DOP1B: variants seen among roughly 807,000 people sequenced by gnomAD.
DOP1B encodes DOP1 leucine zipper like protein B, also known as protein DOP1B.
A neutral mutation model predicts 233.5 loss-of-function variants in DOP1B; 174 were observed. The observed-to-expected ratio is 0.75, with a 90% CI of 0.66 to 0.85. The LOEUF (loss-of-function observed/expected upper bound fraction) is 0.85, where lower values mean the gene tolerates loss of function less well. Ranked by LOEUF, DOP1B falls within the 40% of genes least tolerant of loss-of-function variation. The pLI, the probability that DOP1B is intolerant of heterozygous loss-of-function variation, is 0.00. For missense variants in DOP1B, 2,652 were observed against 2,846.6 expected (o/e 0.93, Z 1.56); for synonymous variants, 1,190 against 1,185.6 (o/e 1.00, Z -0.08).
chr21:36,214,597 G>C (rs2066539510), intron 9 of DOP1B, 41 bp downstream of exon 9: 2 of 1,533,532 alleles, frequency 1.3e-6, no homozygotes, highest in South Asian at 1.2e-5. Context: ...GCTGAATACA[G>C]ATTACCTGTT....
intron 26 of DOP1B, among the ~76,000 whole-genome samples, chr21:36,268,814 C>T (rs1471069561): frequency 1.3e-5 from 2 of 152,310 alleles, no homozygotes; most frequent in African/African-American, 2.4e-5. Flanking sequence ...GGATTACAGG[C>T]GTGCACCACC....
In DOP1B at chr21:36,221,216, A is replaced by G. The variant is rs2123517675; in HGVS notation, c.1250+1724A>G. On this transcript the variant is annotated intron_variant, in intron 10 of 36. Coordinates refer to ENST00000691173, the MANE Select transcript of DOP1B (RefSeq NM_001320714.2). ...AGGATTTATCATTTATTTAAGGCCA[A>G]GTGCAGTGGCTCACGCCTGTAATTT... Among the ~76,000 whole-genome samples the G allele has an allele frequency of 1.3e-5, 2 of 152,230 alleles. 1 individual carries two copies. The highest frequency in any genetic ancestry group is 4.1e-4 in the South Asian group (2 of 4,828).
At position 36,230,457 on chromosome 21, in the gene DOP1B, T is replaced by G. The variant is rs145485914; in HGVS notation, c.1673T>G (p.Val558Gly). ...TESTSGTSSP[V>G]KGENGKIILE... ...TCTTTTTATTTTTTACAGAGTCCAG[T>G]AAAAGGTGAAAACGGCAAAATAATT... Residue 558 changes from valine (V) to glycine (G), a missense_variant, in exon 14 of 37, where the codon GTA (valine) becomes GGA (glycine). Val to Gly is a moderately radical substitution (Grantham distance 109). Transcript: ENST00000691173. 2.7e-4 allele frequency: 438 copies of G among 1,607,718 alleles called. No individual in the cohort carries two copies. Among genetic ancestry groups the G allele is most frequent in the Non-Finnish European group, 3.6e-4 (423 of 1,174,646 alleles).
At position 36,278,500 on chromosome 21, in the gene DOP1B, G is replaced by T. The variant is rs2067380178; in HGVS notation, c.5969+145G>T. On this transcript the variant is annotated intron_variant, in intron 30 of 36. Coordinates refer to ENST00000691173, the MANE Select transcript of DOP1B (RefSeq NM_001320714.2). ...GGACGTCCCTGTCACAGGCTCGCATGTTGACCATGTGTTCATGGGAAAGGG... is the reference window on the plus strand; with the variant it reads ...GGACGTCCCTGTCACAGGCTCGCATTTTGACCATGTGTTCATGGGAAAGGG... 9.1e-6 allele frequency: 7 copies of T among 768,472 alleles called. No homozygotes were observed. The South Asian group carries it at 9.2e-5, about 10-fold the overall frequency. The allele number at this position is 768,472 out of a possible 1,614,324, so 47.6% of individuals were successfully genotyped here.
rs532275776 is a variant in DOP1B at position 36,262,001 on chromosome 21, A to G, written c.5315+1269A>G. ...ACATAGCCATCAGGAGTCTCACTGTAAATAACTCCAACAACCAGGCACAGG... is the reference window on the plus strand; with the variant it reads ...ACATAGCCATCAGGAGTCTCACTGTGAATAACTCCAACAACCAGGCACAGG... On this transcript the variant is annotated intron_variant, in intron 24 of 36. Transcript: ENST00000691173. 1.9e-5 allele frequency: 19 copies of G among 980,464 alleles called. No homozygotes were observed. The African/African-American group carries it at 3.3e-4, about 17-fold the overall frequency. The allele number at this position is 980,464 out of a possible 1,614,324, so 60.7% of individuals were successfully genotyped here.
chr21:36,261,826 A>T, intron 24 of DOP1B: 1 of 509,868 alleles, frequency 2.0e-6, no homozygotes, highest in Non-Finnish European at 2.5e-6. Flanking sequence ...CAGGTGAATC[A>T]CTTGAACCCA....
At chr21:36,181,568 C>T (rs1359557900) in intron 2 of DOP1B, among the ~76,000 whole-genome samples, 1 of 152,212 alleles carries the variant, frequency 6.6e-6, no homozygotes, top group East Asian at 1.9e-4. Context: ...CATGAGCCAC[C>T]ACGCCCGGCC....
chr21:36,289,866 A>C (rs1228479148), intron 35 of DOP1B, among the ~76,000 whole-genome samples: 1 of 152,226 alleles, frequency 6.6e-6, no homozygotes, highest in African/African-American at 2.4e-5. Context: ...CAGTAAAAAG[A>C]TCAGTGGTCG....
At chr21:36,216,769 T>C (rs1041250020) in intron 9 of DOP1B, among the ~76,000 whole-genome samples, 3 of 151,974 alleles carry the variant, frequency 2.0e-5, no homozygotes, top group Non-Finnish European at 2.9e-5. Context: ...GGTAGCTGTT[T>C]GCAGAGGACA....
At chr21:36,260,581 C>T (rs897625265) in intron 23 of DOP1B, 96 bp from the exon 24 acceptor site, 1 of 1,531,894 alleles carries the variant, frequency 6.5e-7, no homozygotes. Flanking sequence ...AAAACCTTTG[C>T]TTTGTTAGGC....
At chr21:36,254,510 C>T (rs958888127) in intron 23 of DOP1B, among the ~76,000 whole-genome samples, 1 of 152,006 alleles carries the variant, frequency 6.6e-6, no homozygotes, top group African/African-American at 2.4e-5. Flanking sequence ...TCTGGGTTTG[C>T]TAACTGGGGC....
chr21:36,186,447 G>A lies in DOP1B; in HGVS notation c.139-12623G>A, dbSNP rs1188327793. On this transcript the variant is annotated intron_variant, in intron 2 of 36. Coordinates refer to ENST00000691173, the MANE Select transcript of DOP1B (RefSeq NM_001320714.2). Reference sequence around the variant, plus strand: ...GTGTGTGTATATGTATGGGAAGTATGTATGTATGTATTTGTGTGCCTGCAT... The same window carrying A: ...GTGTGTGTATATGTATGGGAAGTATATATGTATGTATTTGTGTGCCTGCAT... 3.3e-5 allele frequency among the ~76,000 whole-genome samples: 5 copies of A among 152,070 alleles called. No individual in the cohort carries two copies. The East Asian group carries it at 9.6e-4, about 29-fold the overall frequency.
At chr21:36,187,209 CCCCTCCTCTCCCCTCCCT>C (rs2066174821) in intron 2 of DOP1B, among the ~76,000 whole-genome samples, 1 of 149,262 alleles carries the variant, frequency 6.7e-6, no homozygotes, top group African/African-American at 2.5e-5. Flanking sequence ...CCCCTCCCTT[CCCCTCCTCTCCCCTCCCT>C]TCCCGGGGGA....
chr21:36,261,667 G>A, intron 24 of DOP1B: 1 of 984,708 alleles, frequency 1.0e-6, no homozygotes, highest in Non-Finnish European at 1.2e-6. Flanking sequence ...CAGCACTTTG[G>A]GAGGCTAGAG....
intron 16 of DOP1B, among the ~76,000 whole-genome samples, 192 bp from the exon 17 acceptor site, chr21:36,238,409 C>CAG (rs2066851540): frequency 6.6e-6 from 1 of 152,124 alleles, no homozygotes; most frequent in Admixed American, 6.5e-5. Context: ...AGTGAACAAT[C>CAG]AGAGAGAGAG....
At chr21:36,186,173 A>G (rs2066163522) in intron 2 of DOP1B, among the ~76,000 whole-genome samples, 1 of 151,972 alleles carries the variant, frequency 6.6e-6, no homozygotes, top group African/African-American at 2.4e-5. Context: ...ACTGCACTCC[A>G]GCCTGGGCAA....
At position 36,265,760 on chromosome 21, in the gene DOP1B, C is replaced by T. The variant is rs111887204; in HGVS notation, c.5487+1946C>T. 3.4e-3 allele frequency among the ~76,000 whole-genome samples: 511 copies of T among 152,282 alleles called. 8 individuals carry two copies. The Middle Eastern group carries it at 0.041, about 12-fold the overall frequency. On this transcript the variant is annotated intron_variant, in intron 26 of 36. Transcript: ENST00000691173. The stretch of plus-strand genomic sequence containing the variant: ...ACTAATTCCTTCCTACTGTTTTGAG[C>T]GACACCCTATGCTTCTTCCCCACTG...
intron 18 of DOP1B, among the ~76,000 whole-genome samples, chr21:36,242,755 T>A (rs1487837723): frequency 6.6e-6 from 1 of 152,222 alleles, no homozygotes; most frequent in East Asian, 1.9e-4. Context: ...AAAAAAATGA[T>A]AAGTGTCCTG....
chr21:36,219,304 A>G, intron 9 of DOP1B, 68 bp from the exon 10 acceptor site: 1 of 1,594,918 alleles, frequency 6.3e-7, no homozygotes, highest in Non-Finnish European at 8.6e-7. Context: ...TTATGTATAT[A>G]CATATGTCAC....
Sources: allele counts gnomAD v4.1 joint callset (sites outside exome capture counted in the v4.1 genomes callset), GRCh38; gene constraint gnomAD v4.1.1; transcripts MANE v1.5; gene names NCBI Gene and HGNC (gene_info 2026-07-23, HGNC 2026-07-21).